Variants in REV3L observed in about 807,000 individuals in gnomAD.
REV3L encodes the protein REV3 like, DNA directed polymerase zeta catalytic subunit, also known as DNA polymerase zeta catalytic subunit.
A neutral mutation model predicts 299.4 loss-of-function variants in REV3L; 69 were observed. The ratio of observed to expected loss-of-function variants is 0.23; its 90% CI spans 0.19 to 0.28. REV3L has a LOEUF of 0.28. Ranked by LOEUF, REV3L falls within the 10% of genes least tolerant of loss-of-function variation. The pLI is 1.00. For synonymous variants in REV3L, 1,238 were observed against 1,271.4 expected, an observed-to-expected ratio of 0.97 and a Z score of 0.56; for missense variants, 3,128 against 3,693.8, an observed-to-expected ratio of 0.85 and a Z score of 3.97.
chr6:111,390,316 A>C, intron 5 of REV3L, 136 bp from the exon 6 acceptor site: 4 of 607,660 alleles, frequency 6.6e-6, no homozygotes. Flanking sequence ...TATTCTGACA[A>C]AATTGATACT....
intron 5 of REV3L, 51 bp downstream of exon 5, chr6:111,392,825 C>A: frequency 8.6e-7 from 1 of 1,158,090 alleles, no homozygotes; most frequent in South Asian, 1.3e-5. Context: ...GATTTCTGAT[C>A]ACAACTAGGA....
intron 9 of REV3L, among the ~76,000 whole-genome samples, chr6:111,381,752 A>G (rs17539525): frequency 6.6e-6 from 1 of 152,206 alleles, no homozygotes; most frequent in Admixed American, 6.5e-5. Flanking sequence ...TAAAGTGAAA[A>G]GGAAAGATAA....
chr6:111,345,717 T>C (rs1451761317), intron 20 of REV3L, among the ~76,000 whole-genome samples: 1 of 152,108 alleles, frequency 6.6e-6, no homozygotes, highest in Admixed American at 6.5e-5. Flanking sequence ...TAGTCAATCA[T>C]GGTAATCATT....
chr6:111,441,987 T>C (rs1368078187), intron 1 of REV3L, among the ~76,000 whole-genome samples: 1 of 152,226 alleles, frequency 6.6e-6, no homozygotes, highest in African/African-American at 2.4e-5. Context: ...ATTTTCAGCT[T>C]TTCCCCCCAC....
At chr6:111,432,286 C>G (rs1428856332) in intron 1 of REV3L, among the ~76,000 whole-genome samples, 1 of 152,124 alleles carries the variant, frequency 6.6e-6, no homozygotes, top group Non-Finnish European at 1.5e-5. Context: ...GATAAAGAAG[C>G]AAGAGTTAAA....
At chr6:111,431,250 A>G (rs1026169366) in intron 1 of REV3L, 34 of 1,529,116 alleles carry the variant, frequency 2.2e-5, no homozygotes, top group Admixed American at 8.4e-5. Context: ...CCAGGACCCT[A>G]CAAGAGATTT....
In REV3L at chr6:111,299,145, TAC is replaced by T. The variant is rs749902177; in HGVS notation, c.*869_*870del. 7 of 152,594 alleles carry T rather than the reference TAC, an allele frequency of 4.6e-5. No individual in the cohort carries two copies. Among genetic ancestry groups the T allele is most frequent in the Non-Finnish European group, 1.0e-4 (7 of 68,018 alleles). The allele number at this position is 152,594 out of a possible 1,614,324, so 9.5% of individuals were successfully genotyped here. On this transcript the variant is annotated 3_prime_UTR_variant, in exon 32 of 32. Coordinates refer to ENST00000368802, the MANE Select transcript of REV3L (RefSeq NM_001372078.1). ...TGACCACATAATTCCTTTTTTATTT[TAC>T]ACAGTTATACAAATATTCTAAATAC... is the stretch of plus-strand genomic sequence containing the variant.
intron 21 of REV3L, 96 bp from the exon 22 acceptor site, chr6:111,335,706 T>C: frequency 8.1e-7 from 1 of 1,234,848 alleles, no homozygotes; most frequent in Non-Finnish European, 1.1e-6. Context: ...ATGCTAAAAG[T>C]GAGGTTACTT....
At chr6:111,357,311 T>A (rs112787241) in intron 17 of REV3L, among the ~76,000 whole-genome samples, 186 bp from the exon 18 acceptor site, 8 of 152,330 alleles carry the variant, frequency 5.3e-5, no homozygotes, top group African/African-American at 1.9e-4. Context: ...TCAAAAGATT[T>A]TTTAGTTTAA....
At chr6:111,385,616 G>A (rs1179536840) in intron 9 of REV3L, among the ~76,000 whole-genome samples, 1 of 151,444 alleles carries the variant, frequency 6.6e-6, no homozygotes, top group Non-Finnish European at 1.5e-5. Context: ...AAAACCCCAA[G>A]GATAACTTTT....
chr6:111,425,258 A>C (rs1209233987), intron 1 of REV3L, among the ~76,000 whole-genome samples: 1 of 152,102 alleles, frequency 6.6e-6, no homozygotes, highest in Non-Finnish European at 1.5e-5. Context: ...GGAGATCAAG[A>C]CCATCCTGGC....
At chr6:111,329,412 G>A (rs1177655889) in intron 25 of REV3L, 120 bp downstream of exon 25, 2 of 813,698 alleles carry the variant, frequency 2.5e-6, no homozygotes, top group Admixed American at 1.8e-5. Context: ...ATTCAACTCT[G>A]GGCTGAAGAC....
At position 111,373,042 on chromosome 6, in the gene REV3L, T is replaced by C; in HGVS notation, c.5313A>G (p.Leu1771=). ...TCCTATTCAATCTAGATTTTTCACT[T>C]AGACAGTCTTCTGCCTGCTGAACAC... ...SFCVQQAEDC[L]SEKSRLNRSS... is the part of the protein sequence containing the mutation. Residue 1771 remains leucine, a synonymous_variant, in exon 13 of 32, where the codon CTA becomes CTG. Transcript: ENST00000368802. The C allele has an allele frequency of 6.2e-7, 1 of 1,614,146 alleles. No homozygotes were observed. Among genetic ancestry groups the C allele is most frequent in the Non-Finnish European group, 8.5e-7 (1 of 1,180,008 alleles).
At chr6:111,350,429 T>C (rs761639148) in intron 19 of REV3L, among the ~76,000 whole-genome samples, 1 of 150,888 alleles carries the variant, frequency 6.6e-6, no homozygotes, top group Non-Finnish European at 1.5e-5. Context: ...ATTTTACAGA[T>C]GAATAAACTG....
At chr6:111,336,251 C>T (rs921656298) in intron 21 of REV3L, among the ~76,000 whole-genome samples, 2 of 151,870 alleles carry the variant, frequency 1.3e-5, no homozygotes, top group Non-Finnish European at 2.9e-5. Flanking sequence ...ATAAAACCCT[C>T]AGCAAATCCA....
At chr6:111,370,965 T>G (rs1466232780) in intron 13 of REV3L, among the ~76,000 whole-genome samples, 3 of 152,088 alleles carry the variant, frequency 2.0e-5, no homozygotes, top group Non-Finnish European at 4.4e-5. Flanking sequence ...ATATTGTATC[T>G]TTCTTTTTTT....
intron 16 of REV3L, among the ~76,000 whole-genome samples, chr6:111,360,416 G>T (rs1778527087): frequency 6.7e-6 from 1 of 148,262 alleles, no homozygotes; most frequent in Non-Finnish European, 1.5e-5. Context: ...TCCTGATTGA[G>T]TATTTTTGGT....
At chr6:111,321,271 T>A (rs1057095774) in intron 26 of REV3L, among the ~76,000 whole-genome samples, 1 of 152,196 alleles carries the variant, frequency 6.6e-6, no homozygotes, top group African/African-American at 2.4e-5. Context: ...AGTCTATTAT[T>A]TTTTGTAGCT....
chr6:111,330,693 AAT>A (rs1775290398), intron 24 of REV3L, among the ~76,000 whole-genome samples: 1 of 152,182 alleles, frequency 6.6e-6, no homozygotes, highest in African/African-American at 2.4e-5. Context: ...AAGCAGCCAT[AAT>A]GTTTTAAGAC....
Sources: gnomAD v4.1 joint callset for allele counts (sites outside exome capture counted in the v4.1 genomes callset) on GRCh38, gnomAD v4.1.1 for gene constraint, MANE v1.5 for transcripts, NCBI Gene and HGNC (gene_info 2026-07-23, HGNC 2026-07-21) for gene names.